GSG1L: variants seen among roughly 807,000 people sequenced by gnomAD.
GSG1L encodes germ cell-specific gene 1-like protein.
In GSG1L, 24 loss-of-function variants were observed where a neutral mutation model predicts 42.1. That is an observed-to-expected ratio of 0.57 (90% confidence interval 0.41 to 0.80). The LOEUF is 0.80. Ranked by LOEUF, GSG1L falls within the 30% of genes least tolerant of loss-of-function variation. GSG1L has a pLI of 0.00. For missense variants in GSG1L, 445 were observed against 472.2 expected, an observed-to-expected ratio of 0.94 and a Z score of 0.53; for synonymous variants, 215 against 203.5, an observed-to-expected ratio of 1.06 and a Z score of -0.48.
intron 2 of GSG1L, among the ~76,000 whole-genome samples, chr16:27,898,152 C>T (rs1051449497): frequency 6.6e-6 from 1 of 152,158 alleles, no homozygotes; most frequent in African/African-American, 2.4e-5. Flanking sequence ...AGTTGCTGAG[C>T]CTGTGAGATA....
At chr16:28,054,105 C>T (rs1470220460) in intron 1 of GSG1L, among the ~76,000 whole-genome samples, 1 of 152,078 alleles carries the variant, frequency 6.6e-6, no homozygotes, top group Non-Finnish European at 1.5e-5. Context: ...TGTCTCCTGC[C>T]CTCCTCCTCC....
chr16:28,050,195 TA>T (rs1257125461), intron 1 of GSG1L, among the ~76,000 whole-genome samples: 1 of 152,012 alleles, frequency 6.6e-6, no homozygotes, highest in Non-Finnish European at 1.5e-5. Context: ...TTTTTTTTTT[TA>T]AGAGTCAAGG....
chr16:27,858,116 G>A (rs2083602894), intron 3 of GSG1L, among the ~76,000 whole-genome samples: 1 of 152,192 alleles, frequency 6.6e-6, no homozygotes, highest in Non-Finnish European at 1.5e-5. Flanking sequence ...AGTGCTCTGA[G>A]CTTCCACACT....
At chr16:27,893,208 G>T (rs2141034781) in intron 2 of GSG1L, among the ~76,000 whole-genome samples, 1 of 152,292 alleles carries the variant, frequency 6.6e-6, no homozygotes, top group African/African-American at 2.4e-5. Flanking sequence ...CCTGTTAGCT[G>T]CACTCTTTGC....
At chr16:27,887,351 C>G (rs1035981199) in intron 2 of GSG1L, among the ~76,000 whole-genome samples, 6 of 152,282 alleles carry the variant, frequency 3.9e-5, no homozygotes, top group Admixed American at 3.9e-4. Context: ...TGAGAGTGAA[C>G]CCAGTGCCAA....
chr16:27,973,519 C>G (rs1336347236), intron 1 of GSG1L, among the ~76,000 whole-genome samples: 1 of 145,190 alleles, frequency 6.9e-6, no homozygotes, highest in East Asian at 2.1e-4. Flanking sequence ...CACCTACATG[C>G]GGGTCAGAGG....
intron 6 of GSG1L, among the ~76,000 whole-genome samples, chr16:27,799,407 CTA>C (rs2082857626): frequency 1.3e-5 from 2 of 152,048 alleles, no homozygotes; most frequent in Non-Finnish European, 2.9e-5. Context: ...TTACCCACGT[CTA>C]TGTCATGTGC....
chr16:27,951,611 AAGATGCTCTAGC>A (rs2084951410), intron 2 of GSG1L, among the ~76,000 whole-genome samples: 1 of 152,136 alleles, frequency 6.6e-6, no homozygotes, highest in Non-Finnish European at 1.5e-5. Flanking sequence ...CTCAGGCAAA[AAGATGCTCTAGC>A]CACCTGGCGT....
intron 1 of GSG1L, among the ~76,000 whole-genome samples, chr16:28,038,747 T>C (rs1175788127): frequency 6.6e-6 from 1 of 152,248 alleles, no homozygotes; most frequent in Non-Finnish European, 1.5e-5. Flanking sequence ...TTTTTCATTA[T>C]GCCATGATTA....
At chr16:27,989,676 G>C in intron 1 of GSG1L, among the ~76,000 whole-genome samples, 1 of 151,448 alleles carries the variant, frequency 6.6e-6, no homozygotes, top group Non-Finnish European at 1.5e-5. Context: ...GGATGCAGAG[G>C]TTGCAGTGTG....
intron 2 of GSG1L, among the ~76,000 whole-genome samples, chr16:27,900,842 C>A (rs892918020): frequency 3.7e-4 from 56 of 149,602 alleles, no homozygotes; most frequent in African/African-American, 1.3e-3. Flanking sequence ...AAAACAGATA[C>A]ATAGGCCGAG....
intron 4 of GSG1L, among the ~76,000 whole-genome samples, chr16:27,840,909 G>A (rs1051009441): frequency 4.6e-5 from 7 of 152,038 alleles, no homozygotes; most frequent in Admixed American, 6.6e-5. Flanking sequence ...CCCCAGCCAC[G>A]CCCCAGATGA....
At chr16:28,019,925 A>G (rs2085820476) in intron 1 of GSG1L, among the ~76,000 whole-genome samples, 1 of 152,072 alleles carries the variant, frequency 6.6e-6, no homozygotes, top group Non-Finnish European at 1.5e-5. Context: ...CTCTATCATC[A>G]TGCTCACCTG....
intron 5 of GSG1L, among the ~76,000 whole-genome samples, chr16:27,810,276 C>G (rs944555300): frequency 6.6e-6 from 1 of 151,936 alleles, no homozygotes; most frequent in Non-Finnish European, 1.5e-5. Flanking sequence ...CCCAGGAGTT[C>G]GAGACCAGCC....
chr16:27,939,105 G>A (rs2084755511), intron 2 of GSG1L, among the ~76,000 whole-genome samples: 1 of 152,064 alleles, frequency 6.6e-6, no homozygotes, highest in African/African-American at 2.4e-5. Flanking sequence ...CTCAAGGGTA[G>A]CAAACATTCC....
chr16:27,996,637 T>G (rs571675639), intron 1 of GSG1L, among the ~76,000 whole-genome samples: 1 of 152,364 alleles, frequency 6.6e-6, no homozygotes, highest in South Asian at 2.1e-4. Flanking sequence ...GAACTCTGCC[T>G]GGCCCTTTTG....
chr16:28,022,591 C>T (rs2085856515), intron 1 of GSG1L, among the ~76,000 whole-genome samples: 1 of 152,172 alleles, frequency 6.6e-6, no homozygotes, highest in Non-Finnish European at 1.5e-5. Flanking sequence ...TCTCGTGACT[C>T]AGCCTCCCAA....
intron 1 of GSG1L, among the ~76,000 whole-genome samples, chr16:28,016,443 G>A (rs553576918): frequency 6.6e-5 from 10 of 152,286 alleles, no homozygotes; most frequent in South Asian, 2.1e-4. Flanking sequence ...GGATTTACCC[G>A]TGCTCAGATT....
At chr16:27,873,981 C>T (rs1386645733) in intron 3 of GSG1L, among the ~76,000 whole-genome samples, 1 of 152,182 alleles carries the variant, frequency 6.6e-6, no homozygotes, top group Non-Finnish European at 1.5e-5. Flanking sequence ...CAGGCCTCTC[C>T]CTTAATGTGT....
Sources: gnomAD v4.1 joint callset for allele counts (sites outside exome capture counted in the v4.1 genomes callset) on GRCh38, gnomAD v4.1.1 for gene constraint, MANE v1.5 for transcripts, NCBI Gene and HGNC (gene_info 2026-07-23, HGNC 2026-07-21) for gene names.